CYGB: variants seen among roughly 807,000 people sequenced by gnomAD.
CYGB encodes the protein cytoglobin.
A neutral mutation model predicts 20.7 loss-of-function variants in CYGB; 13 were observed. The ratio of observed to expected loss-of-function variants is 0.63; its 90% CI spans 0.41 to 1.00. The LOEUF (loss-of-function observed/expected upper bound fraction) is 1.00, where lower values mean the gene tolerates loss of function less well. Among genes scored for constraint, CYGB ranks in the 50% least tolerant of loss-of-function variants. CYGB has a pLI of 0.00. For missense variants in CYGB, 218 were observed against 257.2 expected (o/e 0.85, Z 1.04); for synonymous variants, 93 against 107.4 (o/e 0.87, Z 0.83).
intron 3 of CYGB, chr17:76,529,040 TTG>T: frequency 1.2e-6 from 1 of 808,832 alleles, no homozygotes; most frequent in South Asian, 6.2e-5. Context: ...CCTGCAGTCA[TTG>T]CGCCCCCCCC....
rs1419764508 is a variant in CYGB at position 76,527,668 on chromosome 17, A to C, written c.*910T>G. The C allele has an allele frequency of 2.2e-6, 1 of 453,834 alleles. No individual in the cohort carries two copies. Among genetic ancestry groups the C allele is most frequent in the Non-Finnish European group, 4.4e-6 (1 of 226,702 alleles). 28.1% of individuals were successfully genotyped at this position (453,834 alleles called of 1,614,324 possible). A position where few individuals can be genotyped will look rare whatever the true frequency, so the allele number is the denominator to read the frequency against. ...TCGGAGCTGAGGGTGAGACCCAGGC[A>C]TGTGGTCCCGCCGACCTGCTGCCCA... On this transcript the variant is annotated 3_prime_UTR_variant, in exon 4 of 4. Transcript: ENST00000293230.
At chr17:76,541,416 T>C (rs908427498), upstream of CYGB, among the ~76,000 whole-genome samples, 13 of 152,148 alleles carry the variant, frequency 8.5e-5, no homozygotes, top group African/African-American at 3.1e-4. Flanking sequence ...CAGGGAAGAC[T>C]CAGGTGGCGG....
chr17:76,548,991 G>A (rs1042410569), intron 1 of CYGB, among the ~76,000 whole-genome samples: 2 of 152,196 alleles, frequency 1.3e-5, no homozygotes, highest in Non-Finnish European at 2.9e-5. Flanking sequence ...CAGAGGTCAA[G>A]ACAGTGTGAG....
intron 1 of CYGB, among the ~76,000 whole-genome samples, chr17:76,548,094 GACAC>G (rs941106365): frequency 2.0e-5 from 3 of 148,992 alleles, no homozygotes; most frequent in Non-Finnish European, 4.5e-5. Context: ...AAATAAAACA[GACAC>G]ACAGAAACAC....
chr17:76,540,811 T>C (rs1003607866), upstream of CYGB, among the ~76,000 whole-genome samples: 6 of 152,192 alleles, frequency 3.9e-5, no homozygotes, highest in Non-Finnish European at 8.8e-5. This position sits in a 1 kb window ranked among gnomAD's most constrained non-coding sequence, Gnocchi z 5.0. Flanking sequence ...GCCTCTCATC[T>C]CCAGCACGGG....
At chr17:76,534,134 C>CTCTT (rs2074884547) in intron 1 of CYGB, among the ~76,000 whole-genome samples, 1 of 131,400 alleles carries the variant, frequency 7.6e-6, no homozygotes, top group Non-Finnish European at 1.6e-5. Flanking sequence ...TTCTTTCTCT[C>CTCTT]TCTCTTTCTC....
At chr17:76,538,674 G>C (rs966920020), upstream of CYGB, among the ~76,000 whole-genome samples, 1 of 152,260 alleles carries the variant, frequency 6.6e-6, no homozygotes, top group African/African-American at 2.4e-5. Flanking sequence ...GGGCCTGGGG[G>C]AGGCAAATCC....
rs574398905 is a variant in CYGB at position 76,544,092 on chromosome 17, T to C, written c.-53+6770A>G. On this transcript the variant is annotated intron_variant, in intron 1 of 3. Transcript: ENST00000589145. ...CTCTCTTTTCAATCCTGCATGATCC[T>C]GAGCAGAGATAAAAGCAGATTTCCG... The C allele has an allele frequency of 8.8e-4, 399 of 454,650 alleles. 1 individual carries two copies. The highest frequency in any genetic ancestry group is 6.7e-3 in the African/African-American group (336 of 50,146). 28.2% of individuals were successfully genotyped at this position (454,650 alleles called of 1,614,324 possible).
Position 76,531,883 on chromosome 17 carries a change from A to C in CYGB, c.144-192T>G, listed in dbSNP as rs2074849285. ...CTGGCCAAGCCGGCTCACCCCTACCAAGTCTGGCCATGTCTATCTGCCAGG... is the reference window on the plus strand; with the variant it reads ...CTGGCCAAGCCGGCTCACCCCTACCCAGTCTGGCCATGTCTATCTGCCAGG... On this transcript the variant is annotated intron_variant, in intron 1 of 3. Coordinates refer to ENST00000293230, the MANE Select transcript of CYGB (RefSeq NM_134268.5). This position sits in a 1 kb window ranked among gnomAD's most constrained non-coding sequence, Gnocchi z 7.4. 3.7e-6 allele frequency: 2 copies of C among 537,198 alleles called. No individual in the cohort carries two copies. Among genetic ancestry groups the C allele is most frequent in the Non-Finnish European group, 3.3e-6 (1 of 301,220 alleles). The allele number at this position is 537,198 out of a possible 1,614,324, so 33.3% of individuals were successfully genotyped here.
At chr17:76,535,467 G>A (rs556340665) in intron 1 of CYGB, among the ~76,000 whole-genome samples, 1 of 152,306 alleles carries the variant, frequency 6.6e-6, no homozygotes, top group African/African-American at 2.4e-5. Flanking sequence ...GACAGGAGGA[G>A]AGAAAAAGGA....
In CYGB at chr17:76,531,274, G is replaced by C; in HGVS notation, c.376-132C>G. The C allele has an allele frequency of 2.5e-6, 3 of 1,220,778 alleles. No homozygotes were observed. Among genetic ancestry groups the C allele is most frequent in the Non-Finnish European group, 3.4e-6 (3 of 876,632 alleles). 75.6% of individuals were successfully genotyped at this position (1,220,778 alleles called of 1,614,324 possible). On this transcript the variant is annotated intron_variant, in intron 2 of 3. Transcript: ENST00000293230. This position sits in a 1 kb window ranked among gnomAD's most constrained non-coding sequence, Gnocchi z 7.4. Reference sequence around the variant, plus strand: ...ACAGTCTGGCAGCTTTGGGAACCCCGTGCTCTCAGGACAAGGGTTGCCCTG... The same window carrying C: ...ACAGTCTGGCAGCTTTGGGAACCCCCTGCTCTCAGGACAAGGGTTGCCCTG...
At position 76,527,908 on chromosome 17, in the gene CYGB, A is replaced by T; in HGVS notation, c.*670T>A. 1 of 424,620 alleles carries T rather than the reference A, an allele frequency of 2.4e-6. No homozygotes were observed. Among genetic ancestry groups the T allele is most frequent in the East Asian group, 7.2e-5 (1 of 13,982 alleles). 26.3% of individuals were successfully genotyped at this position (424,620 alleles called of 1,614,324 possible). ...GGAAGTGGAATTCAGGAATGTGGGG[A>T]GCTGGTCTGAGAAGGGGCTGGGCTT... On this transcript the variant is annotated 3_prime_UTR_variant, in exon 4 of 4. Transcript: ENST00000293230.
chr17:76,543,763 C>T (rs1238208990), intron 1 of CYGB: 3 of 470,108 alleles, frequency 6.4e-6, no homozygotes, highest in South Asian at 4.6e-5. Flanking sequence ...GTCGGTTTGC[C>T]ACAGTGGCAC....
At chr17:76,548,031 T>C (rs1236320599) in intron 1 of CYGB, among the ~76,000 whole-genome samples, 1 of 150,850 alleles carries the variant, frequency 6.6e-6, no homozygotes, top group Non-Finnish European at 1.5e-5. Context: ...TACACAGACA[T>C]ACACATATAC....
Position 76,531,124 on chromosome 17 carries a change from G to T in CYGB, c.394C>A (p.Leu132Met). Residue 132 changes from leucine to methionine, a missense_variant, in exon 3 of 4, where the codon CTG becomes ATG. Physicochemically the swap from Leu to Met is conservative, Grantham distance 15. This residue lies in a region of CYGB where 66 missense variants were observed against 107.4 expected (regional missense o/e 0.61). Coordinates refer to ENST00000293230, the MANE Select transcript of CYGB (RefSeq NM_134268.5). The surrounding 1 kb of genome is among the most constrained non-coding windows in gnomAD (Gnocchi z 7.4). ...VYFKILSGVI[L>M]EVVAEEFASD... The stretch of plus-strand genomic sequence containing the variant: ...GCAAATTCCTCGGCGACCACCTCCA[G>T]AATGACCCCAGAGAGGATCTGGGGG... 6.2e-7 allele frequency: 1 copy of T among 1,613,774 alleles called. No homozygotes were observed. Among genetic ancestry groups the T allele is most frequent in the Non-Finnish European group, 8.5e-7 (1 of 1,179,916 alleles).
chr17:76,532,530 C>CT (rs111936272), intron 1 of CYGB, among the ~76,000 whole-genome samples: 20,167 of 125,698 alleles, frequency 0.16, 2,260 homozygotes, highest in East Asian at 0.31. Context: ...ATGACAATGG[C>CT]TTTTTTTTTT....
intron 1 of CYGB, among the ~76,000 whole-genome samples, chr17:76,547,914 A>T (rs1229882160): frequency 1.4e-5 from 1 of 71,250 alleles, no homozygotes; most frequent in Non-Finnish European, 2.5e-5. Flanking sequence ...TAACACATTC[A>T]CACACACATA....
At chr17:76,550,628 A>G (rs2075100904) in intron 1 of CYGB, 2 of 152,360 alleles carry the variant, frequency 1.3e-5, no homozygotes, top group South Asian at 4.1e-4. Context: ...ACATGGGTCT[A>G]TACACTTATT....
At chr17:76,542,488 G>T, upstream of CYGB, 1 of 1,589,594 alleles carries the variant, frequency 6.3e-7, no homozygotes, top group South Asian at 1.1e-5. Context: ...AGGAGGAAGA[G>T]GAGAGTCAGA....
Sources: allele counts gnomAD v4.1 joint callset (sites outside exome capture counted in the v4.1 genomes callset), GRCh38; gene constraint gnomAD v4.1.1; regional missense constraint gnomAD v4.1.1; non-coding constraint Gnocchi (gnomAD v3.1); transcripts MANE v1.5; gene names NCBI Gene and HGNC (gene_info 2026-07-23, HGNC 2026-07-21).